The following F8 variants were observed in gnomAD, a reference collection of about 807,000 sequenced individuals.
F8 encodes coagulation factor VIII, also known as antihemophilic factor.
F8 carries 12 observed loss-of-function variants against 140.6 expected under a neutral mutation model. That is an observed-to-expected ratio of 0.09 (90% CI 0.05 to 0.14). F8 has a LOEUF of 0.14. Ranked by LOEUF, F8 falls within the 10% of genes least tolerant of loss-of-function variation. The probability of loss-of-function intolerance (pLI) is 1.00; values close to 1 mark genes in which losing one functional copy is unlikely to be tolerated. For synonymous variants in F8, 585 were observed against 614.6 expected (o/e 0.95, Z 0.71); for missense variants, 1,354 against 1,720.7 (o/e 0.79, Z 3.77).
chrX:154,850,122 T>TG (rs1822492224), intron 25 of F8, among the ~76,000 whole-genome samples: 1 of 97,852 alleles, frequency 1.0e-5, no homozygotes, highest in Non-Finnish European at 2.1e-5. Context: ...TGTGTGTGTA[T>TG]TTTTTTTTTG....
rs1557275590 is a variant in F8 at position 154,896,073 on chromosome X, A to G, written c.6429+4T>C. 3 of 1,209,029 alleles carry G rather than the reference A, an allele frequency of 2.5e-6. No individual in the cohort carries two copies. The highest frequency in any genetic ancestry group is 3.4e-6 in the Non-Finnish European group (3 of 893,236). ...GCATTCCCTTTAAATGACTAATTAC[A>G]TACCATTAAGGTTCCAGTGGAATTT... On this transcript the variant is annotated splice_donor_region_variant and intron_variant, in intron 22 of 25. Coordinates refer to ENST00000360256, the MANE Select transcript of F8 (RefSeq NM_000132.4).
chrX:154,982,978 A>C (rs1557283875), intron 6 of F8, among the ~76,000 whole-genome samples: 2 of 112,585 alleles, frequency 1.8e-5, no homozygotes, highest in Non-Finnish European at 3.8e-5. Flanking sequence ...CTGATCAACA[A>C]TAGGTCATTA....
intron 15 of F8, among the ~76,000 whole-genome samples, chrX:154,905,642 TA>T (rs2073034399): frequency 9.0e-6 from 1 of 111,719 alleles, no homozygotes; most frequent in Non-Finnish European, 1.9e-5. Flanking sequence ...ATTAAAAAGT[TA>T]AATGTAAAAA....
At chrX:154,878,495 T>C (rs782712986) in intron 22 of F8, among the ~76,000 whole-genome samples, 14 of 70,226 alleles carry the variant, frequency 2.0e-4, no homozygotes, top group African/African-American at 7.0e-4. Flanking sequence ...CACAACATGA[T>C]AAAGAGCATT....
intron 6 of F8, among the ~76,000 whole-genome samples, chrX:154,983,533 G>A (rs1043035179): frequency 4.6e-4 from 51 of 111,346 alleles, no homozygotes; most frequent in African/African-American, 1.6e-3. Context: ...GTAAACAAAC[G>A]TAAAGATCCA....
chrX:154,946,997 G>A (rs111557933), intron 13 of F8, among the ~76,000 whole-genome samples: 2 of 110,437 alleles, frequency 1.8e-5, no homozygotes, highest in East Asian at 2.8e-4. Context: ...AGGCCGAGGC[G>A]GGTGGATCAC....
intron 22 of F8, among the ~76,000 whole-genome samples, chrX:154,878,921 AAATTCAGCT>A (rs1248136575): frequency 8.9e-5 from 10 of 112,660 alleles, no homozygotes; most frequent in African/African-American, 3.2e-4. Context: ...ACTTAGGAAT[AAATTCAGCT>A]AAGGAGGTAA....
intron 14 of F8, among the ~76,000 whole-genome samples, chrX:154,914,349 T>C (rs1557276954): frequency 1.8e-5 from 2 of 112,958 alleles, no homozygotes; most frequent in Admixed American, 1.9e-4. Flanking sequence ...ATCTTGGTGA[T>C]TAACATTTGG....
intron 13 of F8, among the ~76,000 whole-genome samples, chrX:154,940,411 A>G (rs1178303347): frequency 8.9e-6 from 1 of 112,332 alleles, no homozygotes; most frequent in Non-Finnish European, 1.9e-5. Flanking sequence ...AAGAAAGGGT[A>G]TCAGCAATGG....
chrX:154,864,010 A>T (rs1460795709), intron 22 of F8, among the ~76,000 whole-genome samples: 1 of 111,826 alleles, frequency 8.9e-6, no homozygotes, highest in Non-Finnish European at 1.9e-5. Flanking sequence ...GTCTTGGGGA[A>T]GTTTTGCCTA....
intron 10 of F8, 35 bp from the exon 11 acceptor site, chrX:154,957,206 G>C (rs373569942): frequency 1.9e-6 from 2 of 1,030,338 alleles, no homozygotes; most frequent in African/African-American, 3.7e-5. Context: ...AGCTCAATTA[G>C]AGTACAACAA....
At chrX:155,013,543 G>A (rs1267832468) in intron 1 of F8, among the ~76,000 whole-genome samples, 1 of 111,090 alleles carries the variant, frequency 9.0e-6, no homozygotes, top group Non-Finnish European at 1.9e-5. Context: ...GCATTAGAAC[G>A]GACTAATACC....
intron 13 of F8, among the ~76,000 whole-genome samples, chrX:154,944,281 G>C (rs1188184712): frequency 9.2e-6 from 1 of 108,324 alleles, no homozygotes; most frequent in East Asian, 2.9e-4. Flanking sequence ...CTGACAAAGG[G>C]CTAATATCCA....
intron 14 of F8, among the ~76,000 whole-genome samples, chrX:154,926,496 C>T (rs2073161072): frequency 9.0e-6 from 1 of 111,610 alleles, no homozygotes; most frequent in Non-Finnish European, 1.9e-5. Context: ...GTGCCTCAGC[C>T]TCCTGAGTAG....
intron 6 of F8, among the ~76,000 whole-genome samples, chrX:154,974,037 C>T (rs979500383): frequency 1.3e-4 from 14 of 110,765 alleles, no homozygotes; most frequent in African/African-American, 3.6e-4. Flanking sequence ...AGGCTGGTCT[C>T]GAACTCTGGA....
chrX:154,961,084 A>T lies in F8; in HGVS notation c.1528T>A (p.Leu510Ile). The T allele has an allele frequency of 8.4e-7, 1 of 1,183,988 alleles. No individual in the cohort carries two copies. Among genetic ancestry groups the T allele is most frequent in the East Asian group, 3.0e-5 (1 of 33,756 alleles). ...TDVRPLYSRR[L>I]PKGVKHLKDF... The stretch of plus-strand genomic sequence containing the variant: ...TCGAGGGAATATTTACCTTTTGGTA[A>T]TCTCCTTGAATACAAAGGACGGACA... Residue 510 changes from leucine to isoleucine, a missense_variant, in exon 10 of 26, where the codon TTA becomes ATA. Transcript: ENST00000360256.
At chrX:154,908,570 C>A (rs1409987026) in intron 14 of F8, among the ~76,000 whole-genome samples, 2 of 112,370 alleles carry the variant, frequency 1.8e-5, no homozygotes, top group African/African-American at 6.5e-5. Context: ...TTTTCCAATT[C>A]ATGTACGTGG....
At chrX:154,985,076 G>A (rs1024349204) in intron 5 of F8, among the ~76,000 whole-genome samples, 1 of 112,102 alleles carries the variant, frequency 8.9e-6, no homozygotes, top group African/African-American at 3.2e-5. Context: ...CAGAATATTG[G>A]TTAGCTTGAG....
chrX:154,877,603 C>T (rs781874042), intron 22 of F8, among the ~76,000 whole-genome samples: 1 of 111,407 alleles, frequency 9.0e-6, no homozygotes, highest in Non-Finnish European at 1.9e-5. Flanking sequence ...CGCCATTCTC[C>T]TGCCTCAGCC....
Sources: gnomAD v4.1 joint callset for allele counts (sites outside exome capture counted in the v4.1 genomes callset) on GRCh38, gnomAD v4.1.1 for gene constraint, MANE v1.5 for transcripts, NCBI Gene and HGNC (gene_info 2026-07-23, HGNC 2026-07-21) for gene names.